Variants in HS6ST2 observed in about 807,000 individuals in gnomAD.
HS6ST2 encodes heparan sulfate 6-O-sulfotransferase 2, also known as heparan-sulfate 6-O-sulfotransferase 2.
Under a neutral mutation model 33.0 loss-of-function variants are expected in HS6ST2, and 17 were observed. The observed-to-expected ratio is 0.52, with a 90% confidence interval of 0.35 to 0.77. HS6ST2 has a LOEUF of 0.77. HS6ST2 is among the 30% of genes least tolerant of loss of function. HS6ST2 has a pLI of 0.01. For synonymous variants in HS6ST2, 248 were observed against 237.1 expected, an observed-to-expected ratio of 1.05 and a Z score of -0.42; for missense variants, 519 against 551.7, an observed-to-expected ratio of 0.94 and a Z score of 0.59.
At chrX:132,810,823 C>T (rs1223557077) in intron 2 of HS6ST2, among the ~76,000 whole-genome samples, 1 of 112,439 alleles carries the variant, frequency 8.9e-6, no homozygotes, top group Non-Finnish European at 1.9e-5. Context: ...GTCATCCCAA[C>T]TGAGGCCATC....
chrX:132,772,888 A>G (rs1602660504), intron 2 of HS6ST2, among the ~76,000 whole-genome samples: 2 of 89,733 alleles, frequency 2.2e-5, no homozygotes, highest in Non-Finnish European at 4.1e-5. Flanking sequence ...CATATATTAT[A>G]TATTATGTAA....
intron 2 of HS6ST2, among the ~76,000 whole-genome samples, chrX:132,748,467 A>G (rs1196309552): frequency 8.9e-6 from 1 of 112,275 alleles, no homozygotes; most frequent in Non-Finnish European, 1.9e-5. Flanking sequence ...AATTTAAAGG[A>G]AGGTGGCTAC....
At chrX:132,703,206 T>C (rs2064159457) in intron 3 of HS6ST2, among the ~76,000 whole-genome samples, 1 of 112,144 alleles carries the variant, frequency 8.9e-6, no homozygotes, top group South Asian at 3.8e-4. Context: ...GCTCTGGGCA[T>C]CCAAGTAGAT....
intron 2 of HS6ST2, among the ~76,000 whole-genome samples, chrX:132,941,956 T>C (rs1407848055): frequency 8.9e-6 from 1 of 112,190 alleles, no homozygotes; most frequent in African/African-American, 3.2e-5. Flanking sequence ...CATATTAGTA[T>C]GATTATCTTT....
At chrX:132,795,809 A>G (rs2065172127) in intron 2 of HS6ST2, among the ~76,000 whole-genome samples, 2 of 110,964 alleles carry the variant, frequency 1.8e-5, no homozygotes, top group Non-Finnish European at 3.8e-5. Flanking sequence ...GGGTTTTGCC[A>G]TGTTGCCCAG....
At chrX:132,929,817 AAAC>A (rs2066747284) in intron 2 of HS6ST2, among the ~76,000 whole-genome samples, 2 of 112,019 alleles carry the variant, frequency 1.8e-5, no homozygotes, top group Admixed American at 1.9e-4. Flanking sequence ...CTAGAGAGAA[AAAC>A]AACAAGGATA....
At chrX:132,914,117 C>G (rs937685227) in intron 2 of HS6ST2, among the ~76,000 whole-genome samples, 1 of 112,068 alleles carries the variant, frequency 8.9e-6, no homozygotes, top group African/African-American at 3.2e-5. Context: ...ACAACTTAGA[C>G]AAAAATGTGA....
chrX:132,662,428 C>A (rs2063780816), intron 4 of HS6ST2, among the ~76,000 whole-genome samples: 1 of 112,335 alleles, frequency 8.9e-6, no homozygotes, highest in African/African-American at 3.2e-5. Flanking sequence ...GAACCCTGAG[C>A]TCTGCTAGAG....
chrX:132,803,001 T>C (rs1005129926), intron 2 of HS6ST2, among the ~76,000 whole-genome samples: 4 of 111,253 alleles, frequency 3.6e-5, no homozygotes, highest in African/African-American at 1.3e-4. Flanking sequence ...ACAGGGCTGC[T>C]TGATGACAGC....
At position 132,957,345 on chromosome X, in the gene HS6ST2, C is replaced by G. The variant is rs775472378; in HGVS notation, c.429-19G>C. ...CCCGACGCTGGGGGAAACCCAAGCT[C>G]GTTACGTCAATCCCGCAGCTCAGCC... is the stretch of plus-strand genomic sequence containing the variant. On this transcript the variant is annotated intron_variant, in intron 1 of 4. Transcript: ENST00000370833. 8.7e-5 allele frequency: 100 copies of G among 1,143,816 alleles called. No individual in the cohort carries two copies. Among genetic ancestry groups the G allele is most frequent in the Non-Finnish European group, 1.1e-4 (93 of 862,770 alleles). The allele number at this position is 1,143,816 out of a possible 1,213,427, so 94.3% of individuals were successfully genotyped here. A position where few individuals can be genotyped will look rare whatever the true frequency, so the allele number is the denominator to read the frequency against.
At chrX:132,846,295 T>G (rs1012316510) in intron 2 of HS6ST2, among the ~76,000 whole-genome samples, 1 of 112,408 alleles carries the variant, frequency 8.9e-6, no homozygotes, top group Admixed American at 9.4e-5. Context: ...TTTAGTTGTC[T>G]GGTAATTTCA....
intron 2 of HS6ST2, among the ~76,000 whole-genome samples, chrX:132,950,537 CTTTG>C (rs1024883274): frequency 6.3e-5 from 7 of 111,530 alleles, no homozygotes; most frequent in Non-Finnish European, 1.3e-4. Context: ...TTGGGTTTTG[CTTTG>C]TTTGTTTGTT....
chrX:132,669,018 T>A (rs1174045587), intron 4 of HS6ST2, 95 bp downstream of exon 4: 5 of 557,920 alleles, frequency 9.0e-6, no homozygotes, highest in Admixed American at 3.1e-5. Flanking sequence ...ATTCCACAAA[T>A]CTTTGTTGAA....
At chrX:132,738,591 G>A (rs1365524501) in intron 2 of HS6ST2, among the ~76,000 whole-genome samples, 1 of 112,660 alleles carries the variant, frequency 8.9e-6, no homozygotes, top group Non-Finnish European at 1.9e-5. Flanking sequence ...ATATTGTAGA[G>A]CAAATAACTA....
At position 132,891,346 on chromosome X, in the gene HS6ST2, A is replaced by G. The variant is rs112413419; in HGVS notation, c.947+65462T>C. On this transcript the variant is annotated intron_variant, in intron 2 of 4. Transcript: ENST00000370833. Reference sequence around the variant, plus strand: ...TTATCCAAATGTTTACCAAAAAAAAAAAAATGTTAACTGAAAGAACAAAAG... The same window carrying G: ...TTATCCAAATGTTTACCAAAAAAAAGAAAATGTTAACTGAAAGAACAAAAG... Among the ~76,000 whole-genome samples the G allele has an allele frequency of 1.1e-4, 12 of 106,378 alleles. 1 individual carries two copies. In the East Asian group the frequency reaches 2.9e-3, roughly 26 times the overall value. The allele number at this position is 106,378 out of a possible 115,157, so 92.4% of individuals were successfully genotyped here. A position where few individuals can be genotyped will look rare whatever the true frequency, so the allele number is the denominator to read the frequency against.
At chrX:132,839,786 A>G (rs2065690815) in intron 2 of HS6ST2, among the ~76,000 whole-genome samples, 1 of 111,045 alleles carries the variant, frequency 9.0e-6, no homozygotes, top group African/African-American at 3.3e-5. Context: ...ACAGCTTCCC[A>G]TGGAAGTGGG....
At chrX:132,657,774 ATTAAAAGT>A (rs1363934228) in intron 4 of HS6ST2, among the ~76,000 whole-genome samples, 5 of 105,013 alleles carry the variant, frequency 4.8e-5, no homozygotes, top group Middle Eastern at 5.0e-3. Flanking sequence ...GGTGTTTGCC[ATTAAAAGT>A]AATGGCAAAA....
intron 2 of HS6ST2, among the ~76,000 whole-genome samples, chrX:132,804,826 G>T (rs759052027): frequency 1.2e-4 from 13 of 111,003 alleles, no homozygotes; most frequent in African/African-American, 4.2e-4. Context: ...AAAGGAAAAA[G>T]ACACAGGGCA....
rs147844834 is a variant in HS6ST2, at chrX:132,885,091, A to C, written c.947+71717T>G. 6.7e-3 allele frequency among the ~76,000 whole-genome samples: 749 copies of C among 112,145 alleles called. 6 individuals carry two copies. The highest frequency in any genetic ancestry group is 0.022 in the African/African-American group (676 of 30,916). Reference sequence around the variant, plus strand: ...TAGCAGCATTATCCACAACAGAAAAAATGTGGAACCAATCCAATGTCCATC... The same window carrying C: ...TAGCAGCATTATCCACAACAGAAAACATGTGGAACCAATCCAATGTCCATC... On this transcript the variant is annotated intron_variant, in intron 2 of 4. Transcript: ENST00000370833.
Sources: allele counts gnomAD v4.1 joint callset (sites outside exome capture counted in the v4.1 genomes callset), GRCh38; gene constraint gnomAD v4.1.1; transcripts MANE v1.5; gene names NCBI Gene and HGNC (gene_info 2026-07-23, HGNC 2026-07-21).